TMEM178B: variants seen among roughly 807,000 people sequenced by gnomAD.
TMEM178B encodes the protein transmembrane protein 178B.
TMEM178B carries 5 observed loss-of-function variants against 31.0 expected under a neutral mutation model. The ratio of observed to expected loss-of-function variants is 0.16; its 90% CI spans 0.08 to 0.34. The LOEUF (loss-of-function observed/expected upper bound fraction) is 0.34. Among genes scored for constraint, TMEM178B ranks in the 10% least tolerant of loss-of-function variants. The pLI is 1.00. For missense variants in TMEM178B, 275 were observed against 400.3 expected (o/e 0.69, Z 2.67); for synonymous variants, 164 against 164.0 (o/e 1.00, Z 0.00).
intron 2 of TMEM178B, among the ~76,000 whole-genome samples, chr7:141,229,013 CTTTTTTTT>C (rs3035763): frequency 7.4e-5 from 6 of 80,560 alleles, no homozygotes; most frequent in African/African-American, 1.6e-4. Flanking sequence ...TCAGTACTAT[CTTTTTTTT>C]TTTTTTTTTT....
At chr7:141,101,907 A>ATG (rs1795064734) in intron 1 of TMEM178B, among the ~76,000 whole-genome samples, 4 of 124,414 alleles carry the variant, frequency 3.2e-5, no homozygotes, top group Admixed American at 1.6e-4. Context: ...GTGTGTGTTA[A>ATG]CGTGTGTGTG....
chr7:141,111,107 A>C (rs1015854016), intron 1 of TMEM178B, among the ~76,000 whole-genome samples: 20 of 152,182 alleles, frequency 1.3e-4, no homozygotes, highest in African/African-American at 4.3e-4. Context: ...CCAGTAATTT[A>C]TAAAGAAAAA....
chr7:141,099,891 G>A (rs1160196156), intron 1 of TMEM178B, among the ~76,000 whole-genome samples: 7 of 150,264 alleles, frequency 4.7e-5, no homozygotes, highest in African/African-American at 9.8e-5. Flanking sequence ...GTGCAGTGGC[G>A]TGATCTCGGC....
chr7:141,074,249 T>C lies in TMEM178B; in HGVS notation c.-62T>C. The stretch of plus-strand genomic sequence containing the variant: ...CGGCCGCCCGCCGCTTTGTTCCGGG[T>C]GCGGCGAGGGAAGGCGAGGCTGCGG... On this transcript the variant is annotated 5_prime_UTR_variant, in exon 1 of 4. Transcript: ENST00000565468. The surrounding 1 kb of genome is among the most constrained non-coding windows in gnomAD (Gnocchi z 5.1). 6.9e-7 allele frequency: 1 copy of C among 1,448,370 alleles called. No homozygotes were observed. Among genetic ancestry groups the C allele is most frequent in the Non-Finnish European group, 9.1e-7 (1 of 1,102,540 alleles). The allele number at this position is 1,448,370 out of a possible 1,614,324, so 89.7% of individuals were successfully genotyped here. A position where few individuals can be genotyped will look rare whatever the true frequency, so the allele number is the denominator to read the frequency against.
chr7:141,248,961 G>A (rs533300847), intron 2 of TMEM178B, among the ~76,000 whole-genome samples: 4 of 152,286 alleles, frequency 2.6e-5, no homozygotes, highest in East Asian at 3.9e-4. Flanking sequence ...ATTTTGTTGC[G>A]TGCTCAGAGC....
chr7:141,176,136 A>G (rs1309565459), intron 1 of TMEM178B, among the ~76,000 whole-genome samples: 1 of 152,214 alleles, frequency 6.6e-6, no homozygotes, highest in Admixed American at 6.5e-5. Flanking sequence ...TGTTCCATCA[A>G]TGCCCAGTTT....
intron 2 of TMEM178B, among the ~76,000 whole-genome samples, chr7:141,251,166 T>A (rs1448940597): frequency 2.0e-5 from 3 of 151,838 alleles, no homozygotes. Flanking sequence ...AGGCTCACAG[T>A]CTAACTTGTA....
chr7:141,161,525 G>A (rs1360098323), intron 1 of TMEM178B, among the ~76,000 whole-genome samples: 1 of 152,182 alleles, frequency 6.6e-6, no homozygotes, highest in African/African-American at 2.4e-5. Context: ...TAGCAGAAGA[G>A]TGACGAGATC....
At chr7:141,137,617 G>C (rs1250747660) in intron 1 of TMEM178B, among the ~76,000 whole-genome samples, 1 of 151,968 alleles carries the variant, frequency 6.6e-6, no homozygotes, top group African/African-American at 2.4e-5. Flanking sequence ...AATATAATAG[G>C]GTGGCTATAG....
chr7:141,358,972 G>A (rs1799870776), intron 2 of TMEM178B, among the ~76,000 whole-genome samples: 1 of 152,122 alleles, frequency 6.6e-6, no homozygotes, highest in Admixed American at 6.5e-5. Context: ...CTCTTGTACA[G>A]ACAGTTCATA....
chr7:141,255,381 G>C (rs1191114387), intron 2 of TMEM178B, among the ~76,000 whole-genome samples: 1 of 152,124 alleles, frequency 6.6e-6, no homozygotes, highest in East Asian at 1.9e-4. Context: ...TTTGCTCAGA[G>C]GAAAAAGGCA....
chr7:141,197,222 G>T (rs555172480), intron 1 of TMEM178B, among the ~76,000 whole-genome samples: 2 of 152,152 alleles, frequency 1.3e-5, no homozygotes, highest in African/African-American at 2.4e-5. Context: ...TATCCCTAAG[G>T]GGGTAGATAC....
Position 141,475,047 on chromosome 7 carries a change from C to T in TMEM178B, c.*4261C>T, listed in dbSNP as rs1183929363. 1 of 152,248 alleles carries T rather than the reference C, an allele frequency of 6.6e-6. No individual in the cohort carries two copies. The highest frequency in any genetic ancestry group is 2.4e-5 in the African/African-American group (1 of 41,456). 9.4% of individuals were successfully genotyped at this position (152,248 alleles called of 1,614,324 possible). On this transcript the variant is annotated 3_prime_UTR_variant, in exon 4 of 4. Coordinates refer to ENST00000565468, the MANE Select transcript of TMEM178B (RefSeq NM_001195278.2). ...TTGCTTTTCTGAAAATGTTCCCTGT[C>T]TTCAGGGGACTTACCCATCCCAGGG... is the stretch of plus-strand genomic sequence containing the variant.
At chr7:141,253,544 C>CTTTTTTTTTTTTTTT (rs34199017) in intron 2 of TMEM178B, among the ~76,000 whole-genome samples, 1 of 70,032 alleles carries the variant, frequency 1.4e-5, no homozygotes, top group Non-Finnish European at 2.5e-5. Flanking sequence ...ATTTTCCCTT[C>CTTTTTTTTTTTTTTT]TTTTTTTTTT....
chr7:141,146,387 C>T (rs1795850154), intron 1 of TMEM178B, among the ~76,000 whole-genome samples: 1 of 152,168 alleles, frequency 6.6e-6, no homozygotes, highest in African/African-American at 2.4e-5. Context: ...TGGGCAGGGT[C>T]TTGTATTGCA....
chr7:141,410,228 A>G (rs140237911), intron 2 of TMEM178B, among the ~76,000 whole-genome samples: 91 of 152,284 alleles, frequency 6.0e-4, no homozygotes, highest in African/African-American at 1.9e-3. Context: ...GGGTCTGCGT[A>G]ATGAGCCTCT....
intron 1 of TMEM178B, among the ~76,000 whole-genome samples, chr7:141,143,765 A>T (rs944864525): frequency 6.6e-6 from 1 of 152,082 alleles, no homozygotes; most frequent in South Asian, 2.1e-4. Flanking sequence ...TGACTTTGGT[A>T]TCTTGATAGG....
chr7:141,246,734 T>C (rs1028101603), intron 2 of TMEM178B, among the ~76,000 whole-genome samples: 16 of 152,046 alleles, frequency 1.1e-4, no homozygotes, highest in African/African-American at 3.9e-4. Context: ...ATTTGTGTTG[T>C]AGAGAAACGA....
rs112680169 is a variant in TMEM178B, at chr7:141,470,819, AAT to A, written c.*45_*46del. 307 of 904,942 alleles carry A rather than the reference AAT, an allele frequency of 3.4e-4. No homozygotes were observed. The highest frequency in any genetic ancestry group is 9.0e-4 in the East Asian group (19 of 21,098). The allele number at this position is 904,942 out of a possible 1,614,324, so 56.1% of individuals were successfully genotyped here. A position where few individuals can be genotyped will look rare whatever the true frequency, so the allele number is the denominator to read the frequency against. ...ACCCATACATACATATATATATATA[AAT>A]ATATATATATAATATACATATATAA... On this transcript the variant is annotated 3_prime_UTR_variant, in exon 4 of 4. Transcript: ENST00000565468.
Sources: gnomAD v4.1 joint callset for allele counts (sites outside exome capture counted in the v4.1 genomes callset) on GRCh38, gnomAD v4.1.1 for gene constraint, Gnocchi (gnomAD v3.1) non-coding constraint, MANE v1.5 for transcripts, NCBI Gene and HGNC (gene_info 2026-07-23, HGNC 2026-07-21) for gene names.